The following STAG1 variants were observed in gnomAD, a reference collection of about 807,000 sequenced individuals.
STAG1 encodes STAG1 cohesin complex component, also known as cohesin subunit SA-1.
In STAG1, 26 loss-of-function variants were observed where a neutral mutation model predicts 170.9. The ratio of observed to expected loss-of-function variants is 0.15; its 90% CI spans 0.11 to 0.21. STAG1 has a LOEUF of 0.21. Ranked by LOEUF, STAG1 falls within the 10% of genes least tolerant of loss-of-function variation. The probability of loss-of-function intolerance (pLI) is 1.00; values close to 1 mark genes in which losing one functional copy is unlikely to be tolerated. For synonymous variants in STAG1, 514 were observed against 497.7 expected (o/e 1.03, Z -0.44); for missense variants, 964 against 1,509.5 (o/e 0.64, Z 5.99).
At chr3:136,665,231 A>G (rs956892096) in intron 1 of STAG1, among the ~76,000 whole-genome samples, 3 of 152,176 alleles carry the variant, frequency 2.0e-5, no homozygotes, top group African/African-American at 7.2e-5. Context: ...TTGAGATGAG[A>G]TATTGAACTG....
At chr3:136,443,448 G>C (rs2088688727) in intron 14 of STAG1, 44 bp from the exon 15 acceptor site, 1 of 1,273,736 alleles carries the variant, frequency 7.9e-7, no homozygotes, top group Non-Finnish European at 1.1e-6. Flanking sequence ...ATTTAATAAA[G>C]AAACTACTAA....
At position 136,688,883 on chromosome 3, in the gene STAG1, C is replaced by A. The variant is rs554439703; in HGVS notation, c.-83-57902G>T. Among the ~76,000 whole-genome samples the A allele has an allele frequency of 6.6e-5, 10 of 152,238 alleles. No homozygotes were observed. In the South Asian group the frequency reaches 1.9e-3, roughly 28 times the overall value. On this transcript the variant is annotated intron_variant, in intron 1 of 33. Coordinates refer to ENST00000383202, the MANE Select transcript of STAG1 (RefSeq NM_005862.3). The stretch of plus-strand genomic sequence containing the variant: ...AAATTTATTAACACCAAAGGAAGAA[C>A]CTGAGGCCAAAAAAGCTGTTAGGTT...
At position 136,551,207 on chromosome 3, in the gene STAG1, G is replaced by A. The variant is rs1166806804; in HGVS notation, c.395-9012C>T. ...AGAGAGAGAGAGAGGTTGAGAGAGA[G>A]TGAGAGAGAGAGAGAGAGAGAGAGA... On this transcript the variant is annotated intron_variant, in intron 5 of 33. Coordinates refer to ENST00000383202, the MANE Select transcript of STAG1 (RefSeq NM_005862.3). Among the ~76,000 whole-genome samples, 18 of 40,042 alleles carry A rather than the reference G, an allele frequency of 4.5e-4. 1 individual carries two copies. The South Asian group carries it at 0.013, about 28-fold the overall frequency. 26.3% of individuals were successfully genotyped at this position (40,042 alleles called of 152,430 possible).
rs574632268 is a variant in STAG1 at position 136,562,422 on chromosome 3, G to A, written c.394+6343C>T. Reference sequence around the variant, plus strand: ...ATTACGGGCACCCACCACCACGCCCGGCTAATTTTTGTATTTTTAGTAGAG... The same window carrying A: ...ATTACGGGCACCCACCACCACGCCCAGCTAATTTTTGTATTTTTAGTAGAG... On this transcript the variant is annotated intron_variant, in intron 5 of 33. Transcript: ENST00000383202. Among the ~76,000 whole-genome samples, 79 of 146,478 alleles carry A rather than the reference G, an allele frequency of 5.4e-4. No individual in the cohort carries two copies. In the East Asian group the frequency reaches 0.014, roughly 25 times the overall value.
At chr3:136,410,464 G>A (rs2087595442) in intron 21 of STAG1, among the ~76,000 whole-genome samples, 1 of 152,056 alleles carries the variant, frequency 6.6e-6, no homozygotes, top group African/African-American at 2.4e-5. Context: ...GAAGAGTAGT[G>A]CAAGCTACCA....
At chr3:136,498,513 T>C (rs1042822530) in intron 9 of STAG1, among the ~76,000 whole-genome samples, 2 of 150,730 alleles carry the variant, frequency 1.3e-5, no homozygotes, top group African/African-American at 4.9e-5. Flanking sequence ...GGAAGGGAGG[T>C]AGAAAGGAGT....
At chr3:136,394,785 T>TCTA (rs2087104529) in intron 22 of STAG1, among the ~76,000 whole-genome samples, 1 of 151,676 alleles carries the variant, frequency 6.6e-6, no homozygotes, top group South Asian at 2.1e-4. Context: ...AAACCCCGTC[T>TCTA]CTACTAAACA....
rs149173809 is a variant in STAG1, at chr3:136,521,388, A to G, written c.501T>C (p.Pro167=). The G allele has an allele frequency of 3.9e-4, 624 of 1,613,660 alleles. No homozygotes were observed. The African/African-American group carries it at 7.6e-3, about 20-fold the overall frequency. The change falls in exon 7 of 34, where the codon CCT becomes CCC. Residue 167 remains proline (P), a synonymous_variant. Coordinates refer to ENST00000383202, the MANE Select transcript of STAG1 (RefSeq NM_005862.3). ...AACGAAATTTTTTCCACTGAGGTCC[A>G]GGCATGGTAAGAGGATAATCACCAC... The part of the protein sequence containing the change: ...EDSGDYPLTM[P]GPQWKKFRSN...
Position 136,502,624 on chromosome 3 carries a change from T to C in STAG1, c.828+4A>G. The C allele has an allele frequency of 6.2e-7, 1 of 1,612,686 alleles. No homozygotes were observed. Among genetic ancestry groups the C allele is most frequent in the South Asian group, 1.1e-5 (1 of 90,728 alleles). On this transcript the variant is annotated splice_donor_region_variant and intron_variant, in intron 8 of 33. Coordinates refer to ENST00000383202, the MANE Select transcript of STAG1 (RefSeq NM_005862.3). The stretch of plus-strand genomic sequence containing the variant: ...ATAAAATCATCAGTTCCCATGAAAC[T>C]TACCTCTTTGCGTTTCTGAAGTAGT...
chr3:136,559,648 T>C (rs1328556743), intron 5 of STAG1, among the ~76,000 whole-genome samples: 1 of 152,208 alleles, frequency 6.6e-6, no homozygotes, highest in Non-Finnish European at 1.5e-5. Context: ...GTGGATATTT[T>C]AAATATTCAA....
chr3:136,600,253 A>C (rs1401810081), intron 4 of STAG1, among the ~76,000 whole-genome samples: 1 of 152,228 alleles, frequency 6.6e-6, no homozygotes, highest in Admixed American at 6.5e-5. Context: ...CGATTACCCT[A>C]AACATAAGCC....
At chr3:136,538,131 G>A (rs929479482) in intron 6 of STAG1, among the ~76,000 whole-genome samples, 73 of 152,250 alleles carry the variant, frequency 4.8e-4, no homozygotes, top group African/African-American at 1.7e-3. Context: ...TGTGATCACA[G>A]TATTTTGATC....
At chr3:136,580,256 C>T (rs1237499802) in intron 4 of STAG1, among the ~76,000 whole-genome samples, 5 of 151,642 alleles carry the variant, frequency 3.3e-5, no homozygotes, top group East Asian at 1.9e-4. Context: ...CATGAGCCAC[C>T]GCGCCCGGCT....
chr3:136,527,209 C>T (rs531837181), intron 6 of STAG1, among the ~76,000 whole-genome samples: 5 of 152,310 alleles, frequency 3.3e-5, no homozygotes, highest in Admixed American at 6.5e-5. Context: ...TTTCCATTCT[C>T]CCTGTCACTT....
chr3:136,557,256 A>G (rs546212674), intron 5 of STAG1, among the ~76,000 whole-genome samples: 6 of 152,260 alleles, frequency 3.9e-5, no homozygotes, highest in African/African-American at 1.4e-4. Flanking sequence ...AAAAGAAAAG[A>G]AAGTTAGCTT....
intron 5 of STAG1, among the ~76,000 whole-genome samples, chr3:136,542,504 T>A (rs1270384150): frequency 1.3e-5 from 2 of 152,014 alleles, no homozygotes; most frequent in Non-Finnish European, 2.9e-5. Context: ...TAAAAGTATA[T>A]AATTTGGTAC....
intron 1 of STAG1, among the ~76,000 whole-genome samples, chr3:136,677,879 G>GAT (rs1180496236): frequency 1.4e-5 from 2 of 147,012 alleles, no homozygotes; most frequent in Non-Finnish European, 3.0e-5. Flanking sequence ...GATCATTTCT[G>GAT]ATATATATAT....
chr3:136,709,017 C>T (rs1943309672), intron 1 of STAG1, among the ~76,000 whole-genome samples: 1 of 130,126 alleles, frequency 7.7e-6, no homozygotes, highest in Non-Finnish European at 1.5e-5. Flanking sequence ...CAGCCAGGTG[C>T]GGTGGTTCAC....
At chr3:136,578,373 A>T (rs1937522596) in intron 4 of STAG1, among the ~76,000 whole-genome samples, 1 of 152,184 alleles carries the variant, frequency 6.6e-6, no homozygotes, top group African/African-American at 2.4e-5. Context: ...GGAACAATAT[A>T]GGTGGGCAGC....
Sources: allele counts gnomAD v4.1 joint callset (sites outside exome capture counted in the v4.1 genomes callset), GRCh38; gene constraint gnomAD v4.1.1; transcripts MANE v1.5; gene names NCBI Gene and HGNC (gene_info 2026-07-23, HGNC 2026-07-21).